Variants in OR1J2 observed in about 807,000 individuals in gnomAD.
OR1J2 encodes olfactory receptor 1J2.
For missense variants in OR1J2, 304 were observed against 246.1 expected (o/e 1.24, Z -1.57); for synonymous variants, 142 against 99.7 (o/e 1.42, Z -2.52).
At chr9:122,488,511 G>T in the OR1J2 span, among the ~76,000 whole-genome samples, 1 of 152,170 alleles carries the variant, frequency 6.6e-6, no homozygotes, top group Non-Finnish European at 1.5e-5. Flanking sequence ...TGAGGATTAA[G>T]AACACTTTTC....
At chr9:122,553,881 A>AT in the OR1J2 span, 1 of 1,612,920 alleles carries the variant, frequency 6.2e-7, no homozygotes, top group African/African-American at 1.3e-5. Flanking sequence ...CTATGTCCGC[A>AT]TTTTCTGGGC....
chr9:122,480,705 C>T, the OR1J2 span, among the ~76,000 whole-genome samples: 1 of 152,052 alleles, frequency 6.6e-6, no homozygotes, highest in Non-Finnish European at 1.5e-5. Flanking sequence ...ATGTATACAT[C>T]ATCACCCAGG....
chr9:122,463,297 A>G, the OR1J2 span, among the ~76,000 whole-genome samples: 10 of 152,174 alleles, frequency 6.6e-5, no homozygotes, highest in African/African-American at 2.2e-4. Flanking sequence ...TATTTATGCT[A>G]TCTATTTCAC....
chr9:122,475,816 G>T, the OR1J2 span: 1 of 152,126 alleles, frequency 6.6e-6, no homozygotes, highest in Non-Finnish European at 1.5e-5. Context: ...TAAGATTCAG[G>T]TAAAGAAACG....
the OR1J2 span, chr9:122,477,908 T>C: frequency 2.5e-6 from 4 of 1,603,300 alleles, no homozygotes; most frequent in East Asian, 2.2e-5. Flanking sequence ...GACACGCTGC[T>C]CTGGTTCTCA....
chr9:122,568,367 C>T, the OR1J2 span: 11 of 1,613,902 alleles, frequency 6.8e-6, no homozygotes, highest in Non-Finnish European at 7.6e-6. Context: ...TTATGGTGAC[C>T]AGGTACACGA....
At chr9:122,453,172 A>T in the OR1J2 span, among the ~76,000 whole-genome samples, 1 of 152,138 alleles carries the variant, frequency 6.6e-6, no homozygotes, top group Admixed American at 6.5e-5. Context: ...AGCTGAGCAG[A>T]TGCTGGTGTC....
At chr9:122,541,241 C>A in the OR1J2 span, among the ~76,000 whole-genome samples, 1 of 152,132 alleles carries the variant, frequency 6.6e-6, no homozygotes, top group East Asian at 1.9e-4. Context: ...ACTGAGTTAG[C>A]AGATGCATGA....
the OR1J2 span, among the ~76,000 whole-genome samples, chr9:122,452,519 C>T: frequency 8.5e-5 from 13 of 152,236 alleles, no homozygotes; most frequent in African/African-American, 2.9e-4. Context: ...TATTCCTTCC[C>T]TGGTGAGCAT....
At chr9:122,484,382 G>A in the OR1J2 span, among the ~76,000 whole-genome samples, 293 of 152,064 alleles carry the variant, frequency 1.9e-3, 1 homozygote, top group African/African-American at 6.8e-3. Context: ...GGATGGTCTC[G>A]ATCTCTTGAC....
At chr9:122,517,572 G>A in the OR1J2 span, among the ~76,000 whole-genome samples, 1,424 of 151,490 alleles carry the variant, frequency 9.4e-3, 20 homozygotes, top group African/African-American at 0.033. Context: ...TATTTACTTA[G>A]TATACGTTGG....
chr9:122,474,506 A>G, the OR1J2 span, among the ~76,000 whole-genome samples: 152 of 152,318 alleles, frequency 1.0e-3, no homozygotes, highest in African/African-American at 3.5e-3. Context: ...TTGATCAATG[A>G]TATTTTTAGA....
the OR1J2 span, among the ~76,000 whole-genome samples, chr9:122,470,503 A>G: frequency 1.3e-5 from 2 of 152,222 alleles, no homozygotes; most frequent in African/African-American, 2.4e-5. Context: ...TTGCTAGGGC[A>G]GGGTGCAAGG....
the OR1J2 span, among the ~76,000 whole-genome samples, chr9:122,448,234 A>G: frequency 6.6e-6 from 1 of 152,214 alleles, no homozygotes; most frequent in Non-Finnish European, 1.5e-5. Flanking sequence ...AAGGGAAGGT[A>G]CTATGCGTGG....
the OR1J2 span, among the ~76,000 whole-genome samples, chr9:122,566,951 A>G: frequency 3.3e-5 from 5 of 152,170 alleles, no homozygotes; most frequent in Non-Finnish European, 7.4e-5. Flanking sequence ...ATGATAAAAT[A>G]TAAGAGGAAA....
the OR1J2 span, chr9:122,477,755 G>A: frequency 3.1e-6 from 5 of 1,614,126 alleles, no homozygotes; most frequent in Non-Finnish European, 4.2e-6. Flanking sequence ...AAGTACATGG[G>A]GGTGTGAAGG....
the OR1J2 span, among the ~76,000 whole-genome samples, chr9:122,550,813 G>C: frequency 6.6e-6 from 1 of 151,692 alleles, no homozygotes; most frequent in Non-Finnish European, 1.5e-5. Context: ...GGGGAAAGCT[G>C]AACGCATTCC....
chr9:122,462,717 A>C, the OR1J2 span, among the ~76,000 whole-genome samples: 1 of 152,106 alleles, frequency 6.6e-6, no homozygotes, highest in Non-Finnish European at 1.5e-5. Context: ...TTGGCTGATA[A>C]TTGTTTTGTT....
At chr9:122,473,096 C>T in the OR1J2 span, among the ~76,000 whole-genome samples, 2 of 152,168 alleles carry the variant, frequency 1.3e-5, no homozygotes, top group African/African-American at 4.8e-5. Flanking sequence ...GACGATATTC[C>T]TGTCCACATT....
Sources: gnomAD v4.1 joint callset for allele counts (sites outside exome capture counted in the v4.1 genomes callset) on GRCh38, gnomAD v4.1.1 for gene constraint, MANE v1.5 for transcripts, NCBI Gene and HGNC (gene_info 2026-07-23, HGNC 2026-07-21) for gene names.